The following TGFBR2 variants were observed in gnomAD, a reference collection of about 807,000 sequenced individuals.
TGFBR2 encodes the protein transforming growth factor beta receptor 2, also known as TGF-beta receptor type-2.
TGFBR2 carries 18 observed loss-of-function variants against 49.0 expected under a neutral mutation model. The ratio of observed to expected loss-of-function variants is 0.37; its 90% CI spans 0.25 to 0.54. TGFBR2 has a LOEUF of 0.54. Ranked by LOEUF, TGFBR2 falls within the 20% of genes least tolerant of loss-of-function variation. The pLI, the probability that TGFBR2 is intolerant of heterozygous loss-of-function variation, is 0.85. For missense variants in TGFBR2, 525 were observed against 722.6 expected, an observed-to-expected ratio of 0.73 and a Z score of 3.13; for synonymous variants, 282 against 275.9, an observed-to-expected ratio of 1.02 and a Z score of -0.22.
chr3:30,607,972 C>G (rs867185099), intron 1 of TGFBR2, among the ~76,000 whole-genome samples: 1 of 150,096 alleles, frequency 6.7e-6, no homozygotes, highest in Non-Finnish European at 1.5e-5. Flanking sequence ...GACGGAGTCT[C>G]GCTCTGTCAC....
chr3:30,673,308 T>C (rs948832493), intron 4 of TGFBR2, among the ~76,000 whole-genome samples: 1 of 152,210 alleles, frequency 6.6e-6, no homozygotes, highest in Non-Finnish European at 1.5e-5. Context: ...GGAATGATAA[T>C]ATCAACTCAC....
intron 3 of TGFBR2, among the ~76,000 whole-genome samples, chr3:30,653,052 C>T (rs1375437878): frequency 1.3e-5 from 2 of 152,208 alleles, no homozygotes; most frequent in South Asian, 2.1e-4. Context: ...CCTTTCACAG[C>T]TGACGACTCA....
At chr3:30,636,295 G>T (rs1267150279) in intron 1 of TGFBR2, among the ~76,000 whole-genome samples, 4 of 151,762 alleles carry the variant, frequency 2.6e-5, no homozygotes, top group Non-Finnish European at 5.9e-5. Context: ...TTAGAGTATT[G>T]ATTATGTCAT....
intron 3 of TGFBR2, among the ~76,000 whole-genome samples, chr3:30,669,813 G>A (rs1559466001): frequency 6.6e-6 from 1 of 152,126 alleles, no homozygotes; most frequent in African/African-American, 2.4e-5. Context: ...AAATGATTTG[G>A]GGCTGCTTTT....
intron 6 of TGFBR2, among the ~76,000 whole-genome samples, chr3:30,690,989 G>C (rs1232531271): frequency 6.6e-6 from 1 of 152,182 alleles, no homozygotes; most frequent in African/African-American, 2.4e-5. Flanking sequence ...TATGGGGAAG[G>C]GGTTTTGTGA....
chr3:30,641,402 A>C (rs1336720432), intron 1 of TGFBR2, among the ~76,000 whole-genome samples: 1 of 152,156 alleles, frequency 6.6e-6, no homozygotes, highest in African/African-American at 2.4e-5. Flanking sequence ...TTTAAAACAA[A>C]GGTTGGAATG....
At chr3:30,679,628 C>G (rs1699501467) in intron 5 of TGFBR2, among the ~76,000 whole-genome samples, 1 of 152,180 alleles carries the variant, frequency 6.6e-6, no homozygotes, top group Admixed American at 6.5e-5. Context: ...AGCACTTGCT[C>G]CACACATCAA....
intron 1 of TGFBR2, chr3:30,623,302 C>A (rs1173583108): frequency 6.2e-7 from 1 of 1,612,894 alleles, no homozygotes; most frequent in Admixed American, 1.7e-5. Flanking sequence ...ATCTTTTCAT[C>A]ATTTTTCTAT....
At chr3:30,609,227 C>T (rs1697988878) in intron 1 of TGFBR2, among the ~76,000 whole-genome samples, 1 of 152,012 alleles carries the variant, frequency 6.6e-6, no homozygotes, top group Non-Finnish European at 1.5e-5. Flanking sequence ...TCAAAGTTGG[C>T]CAATGGTTGA....
At chr3:30,623,139 C>A (rs2125453873) in intron 1 of TGFBR2, 1 of 884,370 alleles carries the variant, frequency 1.1e-6, no homozygotes, top group Middle Eastern at 2.2e-4. Context: ...TTTCACTTTC[C>A]TGTCATCTGT....
intron 3 of TGFBR2, among the ~76,000 whole-genome samples, chr3:30,651,040 A>T (rs1009742966): frequency 6.6e-6 from 1 of 152,208 alleles, no homozygotes; most frequent in Non-Finnish European, 1.5e-5. Flanking sequence ...AATAAGCCAA[A>T]GTTTACCCCT....
intron 3 of TGFBR2, among the ~76,000 whole-genome samples, chr3:30,655,276 C>T (rs750086238): frequency 8.5e-5 from 13 of 152,192 alleles, no homozygotes; most frequent in Non-Finnish European, 1.5e-4. Context: ...TGTTCTAACA[C>T]TGAAGTTTTG....
intron 1 of TGFBR2, among the ~76,000 whole-genome samples, chr3:30,612,596 CCA>C (rs1194185381): frequency 1.3e-5 from 2 of 152,122 alleles, no homozygotes; most frequent in Non-Finnish European, 1.5e-5. Flanking sequence ...ACTCTACAGC[CCA>C]CAGTTTGACA....
chr3:30,611,465 A>G (rs1450653136), intron 1 of TGFBR2, among the ~76,000 whole-genome samples: 2 of 152,234 alleles, frequency 1.3e-5, no homozygotes, highest in Non-Finnish European at 2.9e-5. Context: ...GAAAGCTGCT[A>G]GAAGTTTTCA....
At chr3:30,674,000 TA>T in intron 4 of TGFBR2, 104 bp from the exon 5 acceptor site, 1 of 1,395,550 alleles carries the variant, frequency 7.2e-7, no homozygotes, top group Non-Finnish European at 1.0e-6. Context: ...TTTGATTTTT[TA>T]AAAAAATCCT....
Position 30,606,995 on chromosome 3 carries a change from C to T in TGFBR2, c.94+18C>T. 6.4e-7 allele frequency: 1 copy of T among 1,565,354 alleles called. No homozygotes were observed. Among genetic ancestry groups the T allele is most frequent in the South Asian group, 1.2e-5 (1 of 85,884 alleles). On this transcript the variant is annotated intron_variant, in intron 1 of 6. Coordinates refer to ENST00000295754, the MANE Select transcript of TGFBR2 (RefSeq NM_003242.6). ...GAAGTCGGGTGAGTGGTCCCCAGCC[C>T]GGGCTCGGCGGGGCGCCGGGGGTCT...
intron 3 of TGFBR2, among the ~76,000 whole-genome samples, chr3:30,656,042 G>A (rs1698989667): frequency 1.3e-5 from 2 of 152,164 alleles, no homozygotes. Flanking sequence ...GAGAAGCACT[G>A]GTGTGAACTC....
At chr3:30,665,326 A>C (rs1699223104) in intron 3 of TGFBR2, among the ~76,000 whole-genome samples, 1 of 152,244 alleles carries the variant, frequency 6.6e-6, no homozygotes, top group South Asian at 2.1e-4. Context: ...AAGAATACTT[A>C]TTTACTAAGT....
chr3:30,666,406 A>C (rs889455561), intron 3 of TGFBR2, among the ~76,000 whole-genome samples: 1 of 152,154 alleles, frequency 6.6e-6, no homozygotes, highest in African/African-American at 2.4e-5. Context: ...TGGCAGGAAA[A>C]AGATGCATAT....
Sources: gnomAD v4.1 joint callset for allele counts (sites outside exome capture counted in the v4.1 genomes callset) on GRCh38, gnomAD v4.1.1 for gene constraint, MANE v1.5 for transcripts, NCBI Gene and HGNC (gene_info 2026-07-23, HGNC 2026-07-21) for gene names.